The following TRAP1 variants were observed in gnomAD, a reference collection of about 807,000 sequenced individuals.
The protein encoded by TRAP1 is heat shock protein 75 kDa, mitochondrial.
Under a neutral mutation model 89.1 loss-of-function variants are expected in TRAP1, and 102 were observed. The observed-to-expected ratio is 1.15, with a 90% CI of 0.98 to 1.35. The LOEUF (loss-of-function observed/expected upper bound fraction) is 1.35, where lower values mean the gene tolerates loss of function less well. TRAP1 is among the 40% of genes most tolerant of loss of function. TRAP1 has a pLI of 0.00. For missense variants in TRAP1, 1,256 were observed against 945.3 expected (o/e 1.33, Z -4.31); for synonymous variants, 508 against 388.0 (o/e 1.31, Z -3.64).
intron 1 of TRAP1, among the ~76,000 whole-genome samples, chr16:3,713,708 C>A (rs1237308483): frequency 6.6e-6 from 1 of 152,236 alleles, no homozygotes; most frequent in East Asian, 1.9e-4. Context: ...TGCCTGACCA[C>A]AGAATCACGT....
At position 3,658,814 on chromosome 16, in the gene TRAP1, C is replaced by G. The variant is rs759879283; in HGVS notation, c.1992G>C (p.Leu664=). The G allele has an allele frequency of 1.2e-6, 2 of 1,613,874 alleles. No individual in the cohort carries two copies. The highest frequency in any genetic ancestry group is 8.5e-7 in the Non-Finnish European group (1 of 1,179,964). ...TCACCTGATCCACCAGCAGCTGAGCCAGGCCAGGCTCGCTTGCGCGCAGCT... is the reference window on the plus strand; with the variant it reads ...TCACCTGATCCACCAGCAGCTGAGCGAGGCCAGGCTCGCTTGCGCGCAGCT... ...LNQLRASEPG[L]AQLLVDQIYE... is the part of the protein sequence containing the mutation. The change falls in exon 17 of 18, where the codon CTG becomes CTC. Residue 664 remains leucine, a synonymous_variant. Transcript: ENST00000246957.
At chr16:3,666,290 G>C (rs1017103246) in intron 11 of TRAP1, among the ~76,000 whole-genome samples, 172 bp from the exon 12 acceptor site, 10 of 152,188 alleles carry the variant, frequency 6.6e-5, no homozygotes, top group African/African-American at 2.4e-4. Context: ...ACCCTGGGCA[G>C]TGGCCGGACA....
rs2050857543 is a variant in TRAP1 at position 3,667,853 on chromosome 16, G to A, written c.1236-1735C>T. Among the ~76,000 whole-genome samples the A allele has an allele frequency of 2.0e-5, 3 of 149,832 alleles. No homozygotes were observed. The South Asian group carries it at 6.4e-4, about 32-fold the overall frequency. ...GGCTCACTGCAACCTCTGCCTCCCG[G>A]GTTCAAGCAATTCTCCTGCCTCAGC... On this transcript the variant is annotated intron_variant, in intron 11 of 17. Coordinates refer to ENST00000246957, the MANE Select transcript of TRAP1 (RefSeq NM_016292.3).
chr16:3,666,341 T>C (rs1460138230), intron 11 of TRAP1, among the ~76,000 whole-genome samples: 3 of 148,796 alleles, frequency 2.0e-5, no homozygotes, highest in Non-Finnish European at 4.4e-5. Flanking sequence ...CTGGAGGCAG[T>C]AGGAGAACCG....
chr16:3,676,016 G>A lies in TRAP1; in HGVS notation c.814+20C>T, dbSNP rs760600949. The A allele has an allele frequency of 6.2e-7, 1 of 1,601,808 alleles. No homozygotes were observed. Among genetic ancestry groups the A allele is most frequent in the South Asian group, 1.1e-5 (1 of 89,918 alleles). On this transcript the variant is annotated intron_variant, in intron 7 of 17. Coordinates refer to ENST00000246957, the MANE Select transcript of TRAP1 (RefSeq NM_016292.3). The stretch of plus-strand genomic sequence containing the variant: ...CACACATGGATCCCAGAGTGAGCCT[G>A]GGCCCGGGCTCCCGCTCACCTCGCA...
intron 1 of TRAP1, among the ~76,000 whole-genome samples, chr16:3,711,784 G>A (rs2051535295): frequency 6.6e-6 from 1 of 152,116 alleles, no homozygotes; most frequent in East Asian, 1.9e-4. Flanking sequence ...TAAATGCTGT[G>A]GAACTACAGG....
At chr16:3,677,809 G>C (rs750308455) in intron 5 of TRAP1, 151 bp from the exon 6 acceptor site, 16 of 878,630 alleles carry the variant, frequency 1.8e-5, no homozygotes, top group African/African-American at 3.4e-5. Context: ...CACGTGAAGA[G>C]CTAAGTCACA....
chr16:3,660,383 T>TC (rs1266573537), intron 16 of TRAP1: 1 of 152,110 alleles, frequency 6.6e-6, no homozygotes, highest in African/African-American at 2.4e-5. Context: ...TCGCCTGTAA[T>TC]CCCACCACTT....
intron 1 of TRAP1, among the ~76,000 whole-genome samples, chr16:3,700,499 C>G (rs901904096): frequency 4.0e-5 from 6 of 149,614 alleles, no homozygotes; most frequent in Admixed American, 6.6e-5. Flanking sequence ...TGCAGTCTCA[C>G]TCTGTTGCCC....
intron 6 of TRAP1, 62 bp from the exon 7 acceptor site, chr16:3,676,207 G>T: frequency 7.0e-7 from 1 of 1,437,220 alleles, no homozygotes; most frequent in Non-Finnish European, 9.7e-7. Flanking sequence ...CCCTGCATGG[G>T]ACTCCAGCGG....
At chr16:3,664,571 G>A in intron 12 of TRAP1, 112 bp from the exon 13 acceptor site, 1 of 1,209,286 alleles carries the variant, frequency 8.3e-7, no homozygotes, top group Non-Finnish European at 1.1e-6. Flanking sequence ...CTCCAGGCTG[G>A]CCCTGACCCG....
rs1555460763 is a variant in TRAP1 at position 3,658,690 on chromosome 16, C to CA, written c.2013+102dup. ...CCATCTCAAAAAACAAACAAACAAA[C>CA]AAAAAGACAGGATTTTAGAGGAAAC... is the stretch of plus-strand genomic sequence containing the variant. On this transcript the variant is annotated intron_variant, in intron 17 of 17. Coordinates refer to ENST00000246957, the MANE Select transcript of TRAP1 (RefSeq NM_016292.3). 2,446 of 1,180,812 alleles carry CA rather than the reference C, an allele frequency of 2.1e-3. 33 individuals carry two copies. In the African/African-American group the frequency reaches 0.033, roughly 16 times the overall value. The allele number at this position is 1,180,812 out of a possible 1,614,324, so 73.1% of individuals were successfully genotyped here.
intron 4 of TRAP1, among the ~76,000 whole-genome samples, chr16:3,685,268 T>C (rs1007807096): frequency 7.9e-5 from 12 of 152,152 alleles, no homozygotes; most frequent in Admixed American, 5.9e-4. Context: ...CGGGGCTCAG[T>C]CTGGATTCTC....
chr16:3,669,559 G>A (rs1328253471), intron 11 of TRAP1, among the ~76,000 whole-genome samples: 2 of 152,070 alleles, frequency 1.3e-5, no homozygotes, highest in African/African-American at 2.4e-5. Context: ...AACAGGCCAG[G>A]CGCGGTGGCT....
chr16:3,662,691 G>C (rs765081536), intron 15 of TRAP1, 191 bp downstream of exon 15: 2 of 698,128 alleles, frequency 2.9e-6, no homozygotes, highest in South Asian at 3.0e-5. Context: ...AGAAAGACAC[G>C]GCCTTCCTGC....
At chr16:3,663,118 C>T in intron 14 of TRAP1, 151 bp from the exon 15 acceptor site, 1 of 698,528 alleles carries the variant, frequency 1.4e-6, no homozygotes, top group South Asian at 1.9e-5. Flanking sequence ...AAAGTAAAAC[C>T]TCAAAGGATG....
intron 1 of TRAP1, among the ~76,000 whole-genome samples, chr16:3,712,271 G>C (rs2051541123): frequency 1.8e-5 from 1 of 55,270 alleles, no homozygotes; most frequent in East Asian, 6.0e-4. Flanking sequence ...CCTGGCGACA[G>C]AAAGAATCTG....
intron 3 of TRAP1, among the ~76,000 whole-genome samples, chr16:3,688,689 G>A (rs1054308429): frequency 7.2e-5 from 11 of 152,024 alleles, no homozygotes; most frequent in African/African-American, 2.7e-4. Flanking sequence ...TTGCTGTGTT[G>A]ACCAGGCTGG....
intron 1 of TRAP1, among the ~76,000 whole-genome samples, chr16:3,715,811 T>C (rs2051590913): frequency 1.3e-5 from 2 of 152,016 alleles, no homozygotes; most frequent in African/African-American, 2.4e-5. Flanking sequence ...AAATAATTGA[T>C]CAGACACTGG....
Sources: allele counts gnomAD v4.1 joint callset (sites outside exome capture counted in the v4.1 genomes callset), GRCh38; gene constraint gnomAD v4.1.1; transcripts MANE v1.5; gene names NCBI Gene and HGNC (gene_info 2026-07-23, HGNC 2026-07-21).